ARHGAP31: variants seen among roughly 807,000 people sequenced by gnomAD.
ARHGAP31 encodes the protein rho GTPase-activating protein 31.
Under a neutral mutation model 113.9 loss-of-function variants are expected in ARHGAP31, and 34 were observed. The ratio of observed to expected loss-of-function variants is 0.30; its 90% CI spans 0.23 to 0.40. The LOEUF (loss-of-function observed/expected upper bound fraction) is 0.40, where lower values mean the gene tolerates loss of function less well. ARHGAP31 is among the 10% of genes least tolerant of loss of function. The pLI is 1.00. For missense variants in ARHGAP31, 1,548 were observed against 1,767.1 expected (o/e 0.88, Z 2.22); for synonymous variants, 650 against 684.8 (o/e 0.95, Z 0.79).
At chr3:119,364,509 C>T (rs1577013514) in intron 1 of ARHGAP31, among the ~76,000 whole-genome samples, 1 of 152,060 alleles carries the variant, frequency 6.6e-6, no homozygotes, top group Non-Finnish European at 1.5e-5. Context: ...CCTTGATGTC[C>T]TCATGTTTAG....
At chr3:119,364,489 T>C (rs936613687) in intron 1 of ARHGAP31, among the ~76,000 whole-genome samples, 16 of 152,216 alleles carry the variant, frequency 1.1e-4, no homozygotes, top group Admixed American at 7.2e-4. Flanking sequence ...CTTAAGTAAA[T>C]TTGCCTGTGC....
intron 3 of ARHGAP31, among the ~76,000 whole-genome samples, chr3:119,379,434 T>C (rs2080376326): frequency 1.3e-5 from 2 of 152,192 alleles, no homozygotes; most frequent in Admixed American, 1.3e-4. Flanking sequence ...CACTTTTCTG[T>C]GCCTAAAAAT....
At position 119,414,071 on chromosome 3, in the gene ARHGAP31, T is replaced by C. The variant is rs762635454; in HGVS notation, c.2142T>C (p.Pro714=). 6.2e-7 allele frequency: 1 copy of C among 1,614,066 alleles called. No homozygotes were observed. Residue 714 remains proline, a synonymous_variant, in exon 12 of 12, where the codon CCT becomes CCC. Coordinates refer to ENST00000264245, the MANE Select transcript of ARHGAP31 (RefSeq NM_020754.4). ...CCTTCCCTGCTCCAGTCTCCACCCCTCTGGAGGTGTGGACTAGGGATCCAG... is the reference window on the plus strand; with the variant it reads ...CCTTCCCTGCTCCAGTCTCCACCCCCCTGGAGGTGTGGACTAGGGATCCAG... ...CGSFPAPVST[P]LEVWTRDPAN...
Position 119,294,413 on chromosome 3 carries a change from A to C in ARHGAP31, c.-492A>C. On this transcript the variant is annotated 5_prime_UTR_variant, in exon 1 of 12. An upstream start codon of the reference 5' UTR is lost. Transcript: ENST00000264245. ...CGTGAGGGCGGGCAGCAGCGACAGG[A>C]TGCTTGTTTTTCGCTCTACCAAAGT... 7.4e-6 allele frequency: 3 copies of C among 403,024 alleles called. No individual in the cohort carries two copies. The highest frequency in any genetic ancestry group is 1.3e-5 in the Non-Finnish European group (3 of 229,622). 25.0% of individuals were successfully genotyped at this position (403,024 alleles called of 1,614,324 possible).
rs973159025 is a variant in ARHGAP31 at position 119,382,091 on chromosome 3, T to C, written c.432-201T>C. Among the ~76,000 whole-genome samples the C allele has an allele frequency of 9.3e-5, 14 of 151,228 alleles. No homozygotes were observed. The East Asian group carries it at 2.7e-3, about 29-fold the overall frequency. On this transcript the variant is annotated intron_variant, in intron 4 of 11. Coordinates refer to ENST00000264245, the MANE Select transcript of ARHGAP31 (RefSeq NM_020754.4). ...GGTCCTCTGCTTACATCTGACAAAA[T>C]GGACCCCCTTCCCCACCCTGAGTCA... is the stretch of plus-strand genomic sequence containing the variant.
In ARHGAP31 at chr3:119,344,974, A is replaced by AT. The variant is rs553881042; in HGVS notation, c.101-20332dup. On this transcript the variant is annotated intron_variant, in intron 1 of 11. Transcript: ENST00000264245. Reference sequence around the variant, plus strand: ...GGTGGGATTTTTTTTTGCTGGTGGGATTTTTTTTTTCTTTTTTCTTTTTTT... The same window carrying AT: ...GGTGGGATTTTTTTTTGCTGGTGGGATTTTTTTTTTTCTTTTTTCTTTTTTT... 4.9e-3 allele frequency among the ~76,000 whole-genome samples: 680 copies of AT among 137,518 alleles called. 5 individuals are homozygous for AT. The highest frequency in any genetic ancestry group is 7.0e-3 in the Non-Finnish European group (442 of 63,022). 90.2% of individuals were successfully genotyped at this position (137,518 alleles called of 152,430 possible).
intron 1 of ARHGAP31, among the ~76,000 whole-genome samples, chr3:119,307,450 G>A (rs1368807432): frequency 6.6e-6 from 1 of 152,148 alleles, no homozygotes; most frequent in East Asian, 1.9e-4. Context: ...TGAGAAAGCT[G>A]AGAACAAATA....
chr3:119,392,304 C>A (rs375068353), intron 7 of ARHGAP31, among the ~76,000 whole-genome samples: 1 of 152,068 alleles, frequency 6.6e-6, no homozygotes, highest in African/African-American at 2.4e-5. Context: ...AAATATCAGC[C>A]GGGTGTGGTG....
chr3:119,310,407 G>A (rs2079669422), intron 1 of ARHGAP31, among the ~76,000 whole-genome samples: 1 of 152,262 alleles, frequency 6.6e-6, no homozygotes, highest in South Asian at 2.1e-4. Context: ...TTGGTAATAT[G>A]GTGCAGACTG....
intron 1 of ARHGAP31, among the ~76,000 whole-genome samples, chr3:119,345,030 G>C (rs947878205): frequency 1.3e-5 from 2 of 151,420 alleles, no homozygotes; most frequent in Non-Finnish European, 2.9e-5. Flanking sequence ...TGTCGCCCAG[G>C]CTGGAGTGCA....
intron 3 of ARHGAP31, among the ~76,000 whole-genome samples, chr3:119,369,242 G>A (rs190119123): frequency 7.2e-5 from 11 of 152,358 alleles, no homozygotes; most frequent in African/African-American, 2.6e-4. Flanking sequence ...AGAGTAGGCA[G>A]AGGGCTGGGT....
In ARHGAP31 at chr3:119,402,193, C is replaced by A. The variant is rs1191662523; in HGVS notation, c.1441C>A (p.Arg481Ser). ...GATGGAGCCCTCGCCGCGTAACCAG[C>A]GCAAGGCGCTGAACATCTCCGAGCC... ...FQMEPSPRNQRKALNISEPFA... is the reference protein window; with the variant it reads ...FQMEPSPRNQSKALNISEPFA... Residue 481 changes from arginine to serine, a missense_variant, in exon 10 of 12, where the codon CGC (arginine) becomes AGC (serine). Physicochemically the swap from Arg to Ser is moderately radical, Grantham distance 110. Transcript: ENST00000264245. The A allele has an allele frequency of 1.2e-6, 2 of 1,614,162 alleles. No individual in the cohort carries two copies. The highest frequency in any genetic ancestry group is 2.7e-5 in the African/African-American group (2 of 74,956).
rs1193078524 is a variant in ARHGAP31 at position 119,332,977 on chromosome 3, T to A, written c.101-32339T>A. On this transcript the variant is annotated intron_variant, in intron 1 of 11. Transcript: ENST00000264245. ...GATACTGCTATCTTCATTTTCCAGT[T>A]GAGAGCATCAAGGCTCAGCGAGGCT... 7.9e-5 allele frequency among the ~76,000 whole-genome samples: 12 copies of A among 152,222 alleles called. No homozygotes were observed. In the East Asian group the frequency reaches 2.3e-3, roughly 29 times the overall value.
At position 119,389,203 on chromosome 3, in the gene ARHGAP31, C is replaced by CA. The variant is rs924832991; in HGVS notation, c.683-1574dup. Among the ~76,000 whole-genome samples, 16 of 151,484 alleles carry CA rather than the reference C, an allele frequency of 1.1e-4. 1 individual carries two copies. Among genetic ancestry groups the CA allele is most frequent in the South Asian group, 4.2e-4 (2 of 4,778 alleles). ...AAAACTTAACCAACTAACAAACAAA[C>CA]AAAAAAAACCATCTAATCAGAGACA... On this transcript the variant is annotated intron_variant, in intron 6 of 11. Transcript: ENST00000264245.
intron 1 of ARHGAP31, among the ~76,000 whole-genome samples, chr3:119,353,206 C>T (rs2080125823): frequency 6.6e-6 from 1 of 152,160 alleles, no homozygotes; most frequent in East Asian, 1.9e-4. Flanking sequence ...GGTCCTGTCT[C>T]AGCACTCCCC....
chr3:119,307,940 C>CAAAAAAAAACAAAAAAAAA (rs2079644637), intron 1 of ARHGAP31, among the ~76,000 whole-genome samples: 1 of 45,452 alleles, frequency 2.2e-5, no homozygotes, highest in Admixed American at 4.6e-4. Context: ...GAATTAACAG[C>CAAAAAAAAACAAAAAAAAA]AAAAAAAAAA....
At chr3:119,384,622 C>T (rs1337432888) in intron 6 of ARHGAP31, among the ~76,000 whole-genome samples, 1 of 152,120 alleles carries the variant, frequency 6.6e-6, no homozygotes, top group Non-Finnish European at 1.5e-5. Flanking sequence ...AAACCCACTC[C>T]TACAATAATG....
In ARHGAP31 at chr3:119,402,127, G is replaced by A. The variant is rs2080615647; in HGVS notation, c.1375G>A (p.Asp459Asn). Residue 459 changes from aspartate to asparagine, a missense_variant, in exon 10 of 12, where the codon GAC becomes AAC. Coordinates refer to ENST00000264245, the MANE Select transcript of ARHGAP31 (RefSeq NM_020754.4). ...GTTGGGTATGTTCTACACTTCGAAC[G>A]ACAGCCCTAGCAAATCCGTCTTCAC... The part of the protein sequence containing the change: ...KMLGMFYTSN[D>N]SPSKSVFTSS... 1.2e-6 allele frequency: 2 copies of A among 1,614,246 alleles called. No homozygotes were observed. Among genetic ancestry groups the A allele is most frequent in the Non-Finnish European group, 1.7e-6 (2 of 1,180,044 alleles).
At chr3:119,382,937 C>T in intron 5 of ARHGAP31, 147 bp from the exon 6 acceptor site, 1 of 1,064,880 alleles carries the variant, frequency 9.4e-7, no homozygotes, top group Non-Finnish European at 1.4e-6. Flanking sequence ...TTGGAGAGTT[C>T]CTTTAATTGG....
Sources: gnomAD v4.1 joint callset for allele counts (sites outside exome capture counted in the v4.1 genomes callset) on GRCh38, gnomAD v4.1.1 for gene constraint, MANE v1.5 for transcripts, NCBI Gene and HGNC (gene_info 2026-07-23, HGNC 2026-07-21) for gene names.